Variants in MAP4 observed in about 807,000 individuals in gnomAD.
MAP4 encodes microtubule associated protein 4.
MAP4 carries 76 observed loss-of-function variants against 170.2 expected under a neutral mutation model. The observed-to-expected ratio is 0.45, with a 90% CI of 0.37 to 0.54. The LOEUF (loss-of-function observed/expected upper bound fraction) is 0.54. Ranked by LOEUF, MAP4 falls within the 20% of genes least tolerant of loss-of-function variation. MAP4 has a pLI of 0.00. For missense variants in MAP4, 2,506 were observed against 2,748.0 expected (o/e 0.91, Z 1.97); for synonymous variants, 909 against 994.5 (o/e 0.91, Z 1.62).
chr3:47,853,313 G>T lies in MAP4; in HGVS notation c.6736C>A (p.Pro2246Thr), dbSNP rs564138197. 10 of 1,611,066 alleles carry T rather than the reference G, an allele frequency of 6.2e-6. No individual in the cohort carries two copies. The South Asian group carries it at 9.9e-5, about 16-fold the overall frequency. The change falls in exon 20 of 21, where the codon CCC becomes ACC. Residue 2246 changes from proline (P) to threonine (T), a missense_variant. Pro to Thr is a conservative substitution (Grantham distance 38). Transcript: ENST00000683076. ...ATGGCCGGCTCCTCCCCAGCAGGGG[G>T]ACCCGGACACAGAGGAGCCTCGCTG... ...GGSEAPLCPG[P>T]PAGEEPAISE...
At chr3:48,068,304 A>T (rs1330831485) in intron 1 of MAP4, among the ~76,000 whole-genome samples, 2 of 151,824 alleles carry the variant, frequency 1.3e-5, no homozygotes, top group African/African-American at 4.8e-5. Context: ...AGTAATAAAC[A>T]TCCAGCTCTA....
At chr3:48,001,844 G>A (rs1396086559) in intron 1 of MAP4, among the ~76,000 whole-genome samples, 1 of 151,982 alleles carries the variant, frequency 6.6e-6, no homozygotes, top group Admixed American at 6.6e-5. Context: ...AATTTCCTGT[G>A]ACTATACTAA....
intron 1 of MAP4, among the ~76,000 whole-genome samples, chr3:48,030,578 C>A (rs1044984289): frequency 6.6e-6 from 1 of 151,578 alleles, no homozygotes; most frequent in Non-Finnish European, 1.5e-5. Context: ...GCAGGCAGAT[C>A]ACCTGAAGTC....
chr3:47,906,720 C>A (rs866997455), intron 9 of MAP4, among the ~76,000 whole-genome samples: 15 of 150,498 alleles, frequency 1.0e-4, no homozygotes, highest in Middle Eastern at 6.9e-3. Context: ...TTAGTATATA[C>A]CTATGTAATG....
At chr3:47,872,529 T>G (rs1380941515) in intron 12 of MAP4, among the ~76,000 whole-genome samples, 3 of 152,140 alleles carry the variant, frequency 2.0e-5, no homozygotes, top group African/African-American at 7.2e-5. Flanking sequence ...GGAGGTACTG[T>G]GGGTTCAGCA....
chr3:48,010,207 T>C (rs866783177), intron 1 of MAP4, among the ~76,000 whole-genome samples: 5 of 152,150 alleles, frequency 3.3e-5, no homozygotes, highest in Admixed American at 6.5e-5. Context: ...ACCCATGACC[T>C]GCTGAGGTAT....
intron 10 of MAP4, chr3:47,892,423 A>C: frequency 1.3e-6 from 2 of 1,536,246 alleles, no homozygotes; most frequent in African/African-American, 1.4e-5. Context: ...GGCACTCTGC[A>C]GGCTTGCCCT....
intron 1 of MAP4, among the ~76,000 whole-genome samples, chr3:48,078,311 ATTTT>A (rs758589017): frequency 8.0e-6 from 1 of 125,230 alleles, no homozygotes. Flanking sequence ...TGCCTGGCTA[ATTTT>A]TTTTTTTTTT....
chr3:47,858,614 TGC>T (rs1553722126), intron 17 of MAP4, among the ~76,000 whole-genome samples: 1 of 138,410 alleles, frequency 7.2e-6, no homozygotes, highest in Non-Finnish European at 1.5e-5. Context: ...TGTGTGTGTG[TGC>T]GCGTTGTGTG....
At chr3:48,083,247 G>A (rs1333763287) in intron 1 of MAP4, among the ~76,000 whole-genome samples, 2 of 152,164 alleles carry the variant, frequency 1.3e-5, no homozygotes, top group African/African-American at 4.8e-5. Context: ...AAGAGAAATG[G>A]AATGAATACA....
Position 47,926,643 on chromosome 3 carries a change from C to T in MAP4, c.415+1585G>A, listed in dbSNP as rs144919852. Among the ~76,000 whole-genome samples the T allele has an allele frequency of 3.0e-3, 464 of 152,174 alleles. 2 individuals carry two copies. The highest frequency in any genetic ancestry group is 4.8e-3 in the Admixed American group (74 of 15,278). On this transcript the variant is annotated intron_variant, in intron 4 of 20. Transcript: ENST00000683076. ...TTGAAGTGGCAGACTCAAGTGATTC[C>T]CCCACCCCAGCCTCCCGAGTAGCTA... is the stretch of plus-strand genomic sequence containing the variant.
chr3:47,864,613 C>G (rs772246744), intron 17 of MAP4, among the ~76,000 whole-genome samples: 4 of 152,054 alleles, frequency 2.6e-5, no homozygotes, highest in East Asian at 1.9e-4. Context: ...GGAGGCGGAG[C>G]TTGCAGTGAG....
chr3:47,964,467 T>C (rs2100073623), intron 3 of MAP4, among the ~76,000 whole-genome samples: 2 of 152,148 alleles, frequency 1.3e-5, no homozygotes, highest in South Asian at 4.1e-4. Context: ...TTTAAGGAGA[T>C]GGGGAGGCAG....
intron 8 of MAP4, among the ~76,000 whole-genome samples, chr3:47,914,464 C>T (rs990455931): frequency 2.6e-5 from 4 of 150,992 alleles, no homozygotes; most frequent in Admixed American, 1.3e-4. Context: ...GCAGGAGAAT[C>T]GCTTGAACCC....
At chr3:47,898,761 T>C (rs929333076) in intron 10 of MAP4, among the ~76,000 whole-genome samples, 1 of 152,046 alleles carries the variant, frequency 6.6e-6, no homozygotes, top group Non-Finnish European at 1.5e-5. Flanking sequence ...CTGGGCAACA[T>C]AGCAGGACCC....
At chr3:47,996,201 C>T (rs1304615096) in intron 2 of MAP4, among the ~76,000 whole-genome samples, 4 of 152,216 alleles carry the variant, frequency 2.6e-5, no homozygotes, top group Admixed American at 6.5e-5. Flanking sequence ...ACAAGAAGAC[C>T]GGCTGTAGCT....
intron 10 of MAP4, among the ~76,000 whole-genome samples, chr3:47,880,795 G>C (rs1478809905): frequency 2.6e-5 from 4 of 152,080 alleles, no homozygotes; most frequent in Admixed American, 2.0e-4. Flanking sequence ...ATTCAAGTTG[G>C]TTTTATGACC....
chr3:48,072,219 T>C (rs1415480026), intron 1 of MAP4, among the ~76,000 whole-genome samples: 1 of 151,338 alleles, frequency 6.6e-6, no homozygotes, highest in African/African-American at 2.4e-5. Flanking sequence ...CTACTAATAA[T>C]AAATTTGGCC....
In MAP4 at chr3:47,855,486, G is replaced by C; in HGVS notation, c.6584-126C>G. 1 of 675,740 alleles carries C rather than the reference G, an allele frequency of 1.5e-6. No individual in the cohort carries two copies. The highest frequency in any genetic ancestry group is 2.7e-6 in the Non-Finnish European group (1 of 366,444). 41.9% of individuals were successfully genotyped at this position (675,740 alleles called of 1,614,324 possible). On this transcript the variant is annotated intron_variant, in intron 18 of 20. Coordinates refer to ENST00000683076, the MANE Select transcript of MAP4 (RefSeq NM_001385682.1). This position sits in a 1 kb window ranked among gnomAD's most constrained non-coding sequence, Gnocchi z 5.1. ...TGACCTGTTCTGGGTGGCAAATGAA[G>C]AACAGTGAACACGTTTGTCTAAAGA...
Sources: allele counts gnomAD v4.1 joint callset (sites outside exome capture counted in the v4.1 genomes callset), GRCh38; gene constraint gnomAD v4.1.1; non-coding constraint Gnocchi (gnomAD v3.1); transcripts MANE v1.5; gene names NCBI Gene and HGNC (gene_info 2026-07-23, HGNC 2026-07-21).